PHACTR1: variants seen among roughly 807,000 people sequenced by gnomAD.
PHACTR1 encodes the protein RPEL repeat containing 1.
A neutral mutation model predicts 69.2 loss-of-function variants in PHACTR1; 16 were observed. The ratio of observed to expected loss-of-function variants is 0.23; its 90% confidence interval spans 0.16 to 0.35. PHACTR1 has a LOEUF of 0.35. Ranked by LOEUF, PHACTR1 falls within the 10% of genes least tolerant of loss-of-function variation. The pLI, the probability that PHACTR1 is intolerant of heterozygous loss-of-function variation, is 1.00. For missense variants in PHACTR1, 510 were observed against 734.7 expected (o/e 0.69, Z 3.54); for synonymous variants, 312 against 284.5 (o/e 1.10, Z -0.97).
intron 4 of PHACTR1, among the ~76,000 whole-genome samples, chr6:12,972,066 G>A (rs1181487266): frequency 1.3e-5 from 2 of 152,182 alleles, no homozygotes; most frequent in Non-Finnish European, 2.9e-5. Context: ...ACAACCTACC[G>A]ATACCTTTTA....
intron 4 of PHACTR1, among the ~76,000 whole-genome samples, chr6:13,031,407 A>G (rs562628147): frequency 2.0e-5 from 3 of 152,346 alleles, no homozygotes; most frequent in Admixed American, 1.3e-4. Context: ...TAGTTGATGT[A>G]CTTCATACTG....
chr6:13,026,501 CA>C (rs1177212630), intron 4 of PHACTR1, among the ~76,000 whole-genome samples: 1 of 152,062 alleles, frequency 6.6e-6, no homozygotes, highest in Non-Finnish European at 1.5e-5. Flanking sequence ...AGACTTTTCA[CA>C]AACAAAAAAC....
At chr6:13,012,565 T>G (rs1025671822) in intron 4 of PHACTR1, among the ~76,000 whole-genome samples, 2 of 152,210 alleles carry the variant, frequency 1.3e-5, no homozygotes, top group Non-Finnish European at 2.9e-5. Context: ...TGTAAACACC[T>G]GTTTCTCCAT....
chr6:13,219,565 T>A (rs988376083), intron 8 of PHACTR1, among the ~76,000 whole-genome samples: 8 of 152,186 alleles, frequency 5.3e-5, no homozygotes, highest in Admixed American at 4.6e-4. Flanking sequence ...TCCAGCCTGG[T>A]AATTATTCTG....
rs1232127007 is a variant in PHACTR1, at chr6:13,227,836, G to A, written c.1007G>A (p.Cys336Tyr). 1.2e-6 allele frequency: 2 copies of A among 1,613,982 alleles called. No homozygotes were observed. Among genetic ancestry groups the A allele is most frequent in the Non-Finnish European group, 1.7e-6 (2 of 1,179,862 alleles). Reference protein sequence around the residue: ...RLESSEQRVPCSTSYHSSGLH... With the variant: ...RLESSEQRVPYSTSYHSSGLH... ...AACAGCTCTGAGCAGCGGGTCCCCT[G>A]TTCCACTTCTTACCACAGCTCTGGG... Residue 336 changes from cysteine (C) to tyrosine (Y), a missense_variant, in exon 9 of 15, where the codon TGT becomes TAT. Physicochemically the swap from Cys to Tyr is radical, Grantham distance 194 (BLOSUM62 -2). Around this residue, in one of 2 missense-constraint regions of PHACTR1, gnomAD observed 419 missense variants for 530.9 expected, o/e 0.79. Coordinates refer to ENST00000332995, the MANE Select transcript of PHACTR1 (RefSeq NM_030948.6).
At chr6:13,160,066 A>G (rs927446845) in intron 5 of PHACTR1, 138 bp from the exon 6 acceptor site, 1 of 702,576 alleles carries the variant, frequency 1.4e-6, no homozygotes, top group Non-Finnish European at 2.5e-6. Context: ...GGTATGTCTC[A>G]TTAGCTCACA....
At chr6:12,933,336 C>T (rs1789080205) in intron 4 of PHACTR1, among the ~76,000 whole-genome samples, 1 of 152,126 alleles carries the variant, frequency 6.6e-6, no homozygotes, top group South Asian at 2.1e-4. Flanking sequence ...CTACAAATAA[C>T]TGCATACAGA....
chr6:12,997,936 G>C (rs1328646916), intron 4 of PHACTR1, among the ~76,000 whole-genome samples: 4 of 152,086 alleles, frequency 2.6e-5, no homozygotes, highest in African/African-American at 4.8e-5. Context: ...CTGGGCGACA[G>C]AGCCAGACTC....
At chr6:12,849,892 T>C (rs998130112) in intron 4 of PHACTR1, among the ~76,000 whole-genome samples, 4 of 152,228 alleles carry the variant, frequency 2.6e-5, no homozygotes, top group Non-Finnish European at 5.9e-5. Flanking sequence ...GTAGGAGGTT[T>C]TAATTTTCAG....
At chr6:12,890,053 G>A (rs1784028270) in intron 4 of PHACTR1, among the ~76,000 whole-genome samples, 1 of 152,126 alleles carries the variant, frequency 6.6e-6, no homozygotes, top group Non-Finnish European at 1.5e-5. Context: ...GGCAGCAGGA[G>A]ATGAGCGAGG....
chr6:12,883,271 TG>T (rs1315051900), intron 4 of PHACTR1, among the ~76,000 whole-genome samples: 2 of 152,158 alleles, frequency 1.3e-5, no homozygotes, highest in Non-Finnish European at 2.9e-5. Context: ...TGGAGTGCAG[TG>T]GTGCCATCTC....
At chr6:13,277,737 CAGG>C (rs1478676140) in intron 11 of PHACTR1, among the ~76,000 whole-genome samples, 1 of 152,148 alleles carries the variant, frequency 6.6e-6, no homozygotes, top group Non-Finnish European at 1.5e-5. Context: ...TGCTTGATGC[CAGG>C]AGTTCAAGAC....
rs1265998710 is a variant in PHACTR1, at chr6:12,879,319, A to C, written c.250+129529A>C. 2.0e-5 allele frequency among the ~76,000 whole-genome samples: 3 copies of C among 152,216 alleles called. No individual in the cohort carries two copies. The East Asian group carries it at 5.8e-4, about 29-fold the overall frequency. On this transcript the variant is annotated intron_variant, in intron 4 of 14. Coordinates refer to ENST00000332995, the MANE Select transcript of PHACTR1 (RefSeq NM_030948.6). The stretch of plus-strand genomic sequence containing the variant: ...CCAGTTGAGTGTGGAAATTGAGAAC[A>C]AGCGTGGAATAAAAAATAATACCAT...
At chr6:13,133,520 C>T (rs981026104) in intron 5 of PHACTR1, among the ~76,000 whole-genome samples, 4 of 152,088 alleles carry the variant, frequency 2.6e-5, no homozygotes, top group African/African-American at 7.2e-5. Flanking sequence ...TGGTCTCCAG[C>T]TCCTAACCGC....
intron 8 of PHACTR1, among the ~76,000 whole-genome samples, chr6:13,219,445 A>G (rs1004774048): frequency 6.6e-6 from 1 of 152,126 alleles, no homozygotes; most frequent in Non-Finnish European, 1.5e-5. Context: ...CGTGGTGGTG[A>G]TGCCTCTCTA....
At chr6:12,926,024 T>C (rs1177111118) in intron 4 of PHACTR1, among the ~76,000 whole-genome samples, 3 of 152,192 alleles carry the variant, frequency 2.0e-5, no homozygotes, top group Non-Finnish European at 1.5e-5. Context: ...GTTCTTCCTT[T>C]AAATTCACAT....
intron 8 of PHACTR1, among the ~76,000 whole-genome samples, chr6:13,225,123 A>G (rs1769382509): frequency 6.6e-6 from 1 of 152,146 alleles, no homozygotes; most frequent in Non-Finnish European, 1.5e-5. Flanking sequence ...GTGGTTCTCC[A>G]TAGTTACAAA....
intron 5 of PHACTR1, among the ~76,000 whole-genome samples, chr6:13,055,854 G>C (rs1048412954): frequency 4.6e-5 from 7 of 152,232 alleles, no homozygotes; most frequent in African/African-American, 1.7e-4. Context: ...AAGCTCATAT[G>C]GGAGAAAGAA....
At chr6:13,212,665 C>T (rs1377716668) in intron 8 of PHACTR1, among the ~76,000 whole-genome samples, 1 of 152,196 alleles carries the variant, frequency 6.6e-6, no homozygotes, top group Non-Finnish European at 1.5e-5. Flanking sequence ...GCTCCCCTCT[C>T]TGTTGCTCCC....
Sources: gnomAD v4.1 joint callset for allele counts (sites outside exome capture counted in the v4.1 genomes callset) on GRCh38, gnomAD v4.1.1 for gene constraint, gnomAD v4.1.1 regional missense constraint, MANE v1.5 for transcripts, NCBI Gene and HGNC (gene_info 2026-07-23, HGNC 2026-07-21) for gene names.